MOK: variants seen among roughly 807,000 people sequenced by gnomAD.
MOK encodes the protein MOK protein kinase, also known as MAPK/MAK/MRK overlapping kinase.
In MOK, 59 loss-of-function variants were observed where a neutral mutation model predicts 54.2. The ratio of observed to expected loss-of-function variants is 1.09; its 90% CI spans 0.88 to 1.35. The LOEUF (loss-of-function observed/expected upper bound fraction) is 1.35, where lower values mean the gene tolerates loss of function less well. Among genes scored for constraint, MOK ranks in the 40% most tolerant of loss-of-function variants. The probability of loss-of-function intolerance (pLI) is 0.00; values close to 1 mark genes in which losing one functional copy is unlikely to be tolerated. For synonymous variants in MOK, 210 were observed against 202.7 expected (o/e 1.04, Z -0.31); for missense variants, 517 against 526.2 (o/e 0.98, Z 0.17).
At chr14:102,275,940 C>T (rs2068824548) in intron 2 of MOK, among the ~76,000 whole-genome samples, 1 of 152,050 alleles carries the variant, frequency 6.6e-6, no homozygotes, top group African/African-American at 2.4e-5. Context: ...CTTAGGATGG[C>T]TTGTTTCTTA....
rs1173027233 is a variant in MOK, at chr14:102,230,437, C to T, written c.982-780G>A. Reference sequence around the variant, plus strand: ...TTTAGTGTCCCCAGTTCTACTGGAACGCAGCCCCTATGTGGTTCATGTGTT... The same window carrying T: ...TTTAGTGTCCCCAGTTCTACTGGAATGCAGCCCCTATGTGGTTCATGTGTT... On this transcript the variant is annotated intron_variant, in intron 10 of 11. Coordinates refer to ENST00000361847, the MANE Select transcript of MOK (RefSeq NM_014226.3). The surrounding 1 kb of genome is among the most constrained non-coding windows in gnomAD (Gnocchi z 4.1). The T allele has an allele frequency of 2.6e-5, 4 of 152,192 alleles. No homozygotes were observed. The highest frequency in any genetic ancestry group is 7.2e-5 in the African/African-American group (3 of 41,444). The allele number at this position is 152,192 out of a possible 1,614,324, so 9.4% of individuals were successfully genotyped here. A position where few individuals can be genotyped will look rare whatever the true frequency, so the allele number is the denominator to read the frequency against.
At chr14:102,286,634 A>G (rs1230530907) in intron 1 of MOK, among the ~76,000 whole-genome samples, 1 of 152,130 alleles carries the variant, frequency 6.6e-6, no homozygotes, top group Non-Finnish European at 1.5e-5. Context: ...TAACTTGCTC[A>G]AGTACATATG....
chr14:102,254,279 C>T (rs943765879), intron 4 of MOK, among the ~76,000 whole-genome samples: 2 of 152,194 alleles, frequency 1.3e-5, no homozygotes, highest in South Asian at 2.1e-4. Flanking sequence ...TGAGCCACTG[C>T]GCCTGGCCGC....
At chr14:102,223,926 C>A (rs184658192), downstream of MOK, among the ~76,000 whole-genome samples, 1 of 152,132 alleles carries the variant, frequency 6.6e-6, no homozygotes, top group Non-Finnish European at 1.5e-5. Context: ...CGTTTCCATA[C>A]AACTCCGAGT....
chr14:102,245,814 G>A lies in MOK; in HGVS notation c.590+4998C>T, dbSNP rs936594811. 6.6e-6 allele frequency among the ~76,000 whole-genome samples: 1 copy of A among 152,040 alleles called. No homozygotes were observed. The highest frequency in any genetic ancestry group is 6.6e-5 in the Admixed American group (1 of 15,266). ...CCAAACTCTCAGGACATACCCCCTA[G>A]TATCACCTTTCCAGGTTAAAGAGAG... On this transcript the variant is annotated intron_variant, in intron 7 of 11. Transcript: ENST00000361847. The surrounding 1 kb of genome is among the most constrained non-coding windows in gnomAD (Gnocchi z 4.3).
At chr14:102,282,132 T>C (rs926346186) in intron 2 of MOK, among the ~76,000 whole-genome samples, 1 of 152,082 alleles carries the variant, frequency 6.6e-6, no homozygotes, top group Non-Finnish European at 1.5e-5. Context: ...CTTGGCCAGG[T>C]GTGGTGGCTC....
At chr14:102,244,935 A>G (rs139866927) in intron 7 of MOK, among the ~76,000 whole-genome samples, 13,054 of 151,840 alleles carry the variant, frequency 0.086, 612 homozygotes, top group African/African-American at 0.12. Context: ...ACACCTCACC[A>G]AACTCAGCCT....
rs2065188125 is a variant in MOK, at chr14:102,235,990, C to A, written c.591-2201G>T. On this transcript the variant is annotated intron_variant, in intron 7 of 11. Coordinates refer to ENST00000361847, the MANE Select transcript of MOK (RefSeq NM_014226.3). This position sits in a 1 kb window ranked among gnomAD's most constrained non-coding sequence, Gnocchi z 4.4. ...GCACAAAAGACCCGATAGCAGCAAC[C>A]CTCCGGGCCTTGTTTTAAGTGTGGC... Among the ~76,000 whole-genome samples the A allele has an allele frequency of 6.6e-6, 1 of 152,202 alleles. No individual in the cohort carries two copies. Among genetic ancestry groups the A allele is most frequent in the South Asian group, 2.1e-4 (1 of 4,820 alleles).
chr14:102,262,145 G>A (rs1358036844), intron 4 of MOK, among the ~76,000 whole-genome samples: 1 of 147,592 alleles, frequency 6.8e-6, no homozygotes, highest in East Asian at 2.0e-4. Flanking sequence ...CCAGCCCCTG[G>A]CCTTTATTTT....
Position 102,232,852 on chromosome 14 carries a change from C to A in MOK, c.693-144G>T. The A allele has an allele frequency of 1.6e-6, 1 of 642,032 alleles. No individual in the cohort carries two copies. 39.8% of individuals were successfully genotyped at this position (642,032 alleles called of 1,614,324 possible). On this transcript the variant is annotated intron_variant, in intron 8 of 11. Transcript: ENST00000361847. The surrounding 1 kb of genome is among the most constrained non-coding windows in gnomAD (Gnocchi z 5.1). Reference sequence around the variant, plus strand: ...CCTGTCCCAGCCCACAGAACGTGCACCACCAAGAGGGACCCCTGATGTAAA... The same window carrying A: ...CCTGTCCCAGCCCACAGAACGTGCAACACCAAGAGGGACCCCTGATGTAAA...
At chr14:102,273,280 C>CAA (rs760362999) in intron 2 of MOK, among the ~76,000 whole-genome samples, 9 of 89,634 alleles carry the variant, frequency 1.0e-4, no homozygotes, top group Admixed American at 2.5e-4. Context: ...CATACTAGAA[C>CAA]AAAAAAAAAA....
rs2065193992 is a variant in MOK, at chr14:102,236,060, A to G, written c.591-2271T>C. On this transcript the variant is annotated intron_variant, in intron 7 of 11. Transcript: ENST00000361847. The surrounding 1 kb of genome is among the most constrained non-coding windows in gnomAD (Gnocchi z 4.5). ...GGGTGTATCCTAACCCTTGAGTGCCAAAGAGTCCTTGTCCAGTGTGCCAGC... is the reference window on the plus strand; with the variant it reads ...GGGTGTATCCTAACCCTTGAGTGCCGAAGAGTCCTTGTCCAGTGTGCCAGC... Among the ~76,000 whole-genome samples the G allele has an allele frequency of 2.6e-5, 4 of 152,314 alleles. No homozygotes were observed. In the South Asian group the frequency reaches 8.3e-4, roughly 32 times the overall value.
At position 102,232,549 on chromosome 14, in the gene MOK, G is replaced by A; in HGVS notation, c.852C>T (p.Tyr284=). The stretch of plus-strand genomic sequence containing the variant: ...AGAGTGCCTACCTCTGTTCTTGGAA[G>A]TAGGGGTGCTGCAGGGCCTGGTGGG... ...IAAHQALQHP[Y]FQEQRKTEKR... is the part of the protein sequence containing the mutation. The change falls in exon 9 of 12, where the codon TAC becomes TAT. Residue 284 remains tyrosine, a synonymous_variant. Coordinates refer to ENST00000361847, the MANE Select transcript of MOK (RefSeq NM_014226.3). This position sits in a 1 kb window ranked among gnomAD's most constrained non-coding sequence, Gnocchi z 5.1. The A allele has an allele frequency of 6.2e-7, 1 of 1,613,734 alleles. No individual in the cohort carries two copies. The highest frequency in any genetic ancestry group is 8.5e-7 in the Non-Finnish European group (1 of 1,179,736).
intron 2 of MOK, among the ~76,000 whole-genome samples, chr14:102,282,898 A>C (rs1245717369): frequency 6.6e-6 from 1 of 151,926 alleles, no homozygotes; most frequent in Non-Finnish European, 1.5e-5. Context: ...ACTTAAAAAA[A>C]ATAATAATTA....
chr14:102,275,197 G>A (rs899637786), intron 2 of MOK, among the ~76,000 whole-genome samples: 2 of 152,052 alleles, frequency 1.3e-5, no homozygotes, highest in African/African-American at 4.8e-5. Context: ...AAATGATGCT[G>A]GAACAACTGG....
chr14:102,272,968 G>C lies in MOK; in HGVS notation c.123-7056C>G, dbSNP rs149457679. Among the ~76,000 whole-genome samples the C allele has an allele frequency of 4.6e-3, 702 of 152,194 alleles. 6 individuals are homozygous for C. Among genetic ancestry groups the C allele is most frequent in the African/African-American group, 0.016 (650 of 41,536 alleles). On this transcript the variant is annotated intron_variant, in intron 2 of 11. Transcript: ENST00000361847. ...GGGCAGATCACAAAGTCAGGAGTTC[G>C]AGACCAGCCTGGCCAATACGGTTAA... is the stretch of plus-strand genomic sequence containing the variant.
intron 1 of MOK, among the ~76,000 whole-genome samples, chr14:102,292,330 G>A (rs779731630): frequency 1.5e-4 from 22 of 151,724 alleles, no homozygotes; most frequent in African/African-American, 2.2e-4. Context: ...AAAATTAGCC[G>A]GGCATGGTGG....
At chr14:102,222,309 CA>C (rs1483217873), downstream of MOK, among the ~76,000 whole-genome samples, 1 of 152,212 alleles carries the variant, frequency 6.6e-6, no homozygotes, top group African/African-American at 2.4e-5. This position sits in a 1 kb window ranked among gnomAD's most constrained non-coding sequence, Gnocchi z 4.4. Flanking sequence ...CAGCTACAGC[CA>C]GGGGGTGCCA....
intron 2 of MOK, among the ~76,000 whole-genome samples, chr14:102,273,886 G>T (rs958273143): frequency 2.2e-4 from 33 of 152,180 alleles, no homozygotes; most frequent in South Asian, 6.2e-4. Context: ...ATATTGCTAA[G>T]ATATGCATTC....
Sources: allele counts gnomAD v4.1 joint callset (sites outside exome capture counted in the v4.1 genomes callset), GRCh38; gene constraint gnomAD v4.1.1; non-coding constraint Gnocchi (gnomAD v3.1); transcripts MANE v1.5; gene names NCBI Gene and HGNC (gene_info 2026-07-23, HGNC 2026-07-21).